The following HUWE1 variants were observed in gnomAD, a reference collection of about 807,000 sequenced individuals.
HUWE1 encodes the protein HECT, UBA and WWE domain containing E3 ubiquitin protein ligase 1, also known as E3 ubiquitin-protein ligase HUWE1.
HUWE1 carries 18 observed loss-of-function variants against 299.4 expected under a neutral mutation model. The ratio of observed to expected loss-of-function variants is 0.06; its 90% confidence interval spans 0.04 to 0.09. The LOEUF (loss-of-function observed/expected upper bound fraction) is 0.09. Ranked by LOEUF, HUWE1 falls within the 10% of genes least tolerant of loss-of-function variation. The pLI, the probability that HUWE1 is intolerant of heterozygous loss-of-function variation, is 1.00. For missense variants in HUWE1, 1,832 were observed against 3,462.3 expected (o/e 0.53, Z 11.82); for synonymous variants, 1,317 against 1,286.1 (o/e 1.02, Z -0.51).
At chrX:53,586,631 A>G (rs1216457516) in intron 38 of HUWE1, 60 bp from the exon 39 acceptor site, 5 of 1,086,252 alleles carry the variant, frequency 4.6e-6, no homozygotes, top group Admixed American at 2.3e-5. Context: ...TTGGGAAAAT[A>G]TATCTTAATT....
At chrX:53,582,416 A>G (rs2063666079) in intron 42 of HUWE1, among the ~76,000 whole-genome samples, 1 of 112,413 alleles carries the variant, frequency 8.9e-6, no homozygotes, top group African/African-American at 3.2e-5. Context: ...CAGGCTGTGT[A>G]AAGAACTGTC....
chrX:53,575,977 A>G (rs888017242), intron 44 of HUWE1, among the ~76,000 whole-genome samples, 189 bp from the exon 45 acceptor site: 1 of 112,605 alleles, frequency 8.9e-6, no homozygotes, highest in African/African-American at 3.2e-5. Flanking sequence ...GACCACAGGC[A>G]ATTAACTTAG....
chrX:53,560,127 T>C, intron 56 of HUWE1, 61 bp downstream of exon 56: 1 of 964,931 alleles, frequency 1.0e-6, no homozygotes, highest in Non-Finnish European at 1.5e-6. Flanking sequence ...AAGACAATGC[T>C]AAAGCACAGT....
intron 31 of HUWE1, 104 bp from the exon 32 acceptor site, chrX:53,593,705 C>A: frequency 1.7e-6 from 1 of 582,990 alleles, no homozygotes; most frequent in South Asian, 2.5e-5. Context: ...CCTACACGTC[C>A]CTCTTCTTAG....
rs377282169 is a variant in HUWE1 at position 53,581,061 on chromosome X, C to T, written c.5521-35G>A. Reference sequence around the variant, plus strand: ...AGAGAAAGAAACACTGTCGATTAAACACTACTTTCTAAAAATACAACTGCA... The same window carrying T: ...AGAGAAAGAAACACTGTCGATTAAATACTACTTTCTAAAAATACAACTGCA... On this transcript the variant is annotated intron_variant, in intron 42 of 83. Transcript: ENST00000262854. The T allele has an allele frequency of 3.7e-6, 4 of 1,094,447 alleles. No individual in the cohort carries two copies. The South Asian group carries it at 8.0e-5, about 22-fold the overall frequency. The allele number at this position is 1,094,447 out of a possible 1,213,427, so 90.2% of individuals were successfully genotyped here.
chrX:53,587,037 TAC>T (rs2063894872), intron 37 of HUWE1, 128 bp from the exon 38 acceptor site: 1 of 743,007 alleles, frequency 1.3e-6, no homozygotes, highest in Non-Finnish European at 2.0e-6. Flanking sequence ...GTTCAAATTT[TAC>T]CTCTTACCAT....
chrX:53,665,763 A>C (rs181651913), intron 3 of HUWE1, among the ~76,000 whole-genome samples: 13 of 112,691 alleles, frequency 1.2e-4, no homozygotes, highest in South Asian at 1.1e-3. Context: ...AGTGTAAGTT[A>C]AGCAAATTAA....
chrX:53,561,232 A>G (rs1404039976), intron 55 of HUWE1, among the ~76,000 whole-genome samples: 2 of 112,096 alleles, frequency 1.8e-5, no homozygotes, highest in Non-Finnish European at 3.8e-5. Context: ...CTTGATTCTA[A>G]GAACTCGATT....
intron 3 of HUWE1, among the ~76,000 whole-genome samples, chrX:53,668,833 T>C (rs1389891687): frequency 8.9e-6 from 1 of 112,397 alleles, no homozygotes; most frequent in East Asian, 2.8e-4. Flanking sequence ...TACCTGCATA[T>C]GAAGGAGAAC....
In HUWE1 at chrX:53,558,687, CTTT is replaced by C; in HGVS notation, c.8125_8127del (p.Lys2709del). ...CTCTGATCCCTGTTCTCCTTATCTT[CTTT>C]GCCTTTATCAGTTATCTTTGTTTCT... On this transcript the variant is annotated inframe_deletion, in exon 59 of 84. Transcript: ENST00000262854. 2.5e-6 allele frequency: 3 copies of C among 1,211,039 alleles called. No homozygotes were observed. Among genetic ancestry groups the C allele is most frequent in the Non-Finnish European group, 3.4e-6 (3 of 894,733 alleles).
chrX:53,589,594 T>C lies in HUWE1; in HGVS notation c.4414A>G (p.Asn1472Asp). The C allele has an allele frequency of 8.3e-7, 1 of 1,210,902 alleles. No individual in the cohort carries two copies. The highest frequency in any genetic ancestry group is 1.1e-6 in the Non-Finnish European group (1 of 894,863). Residue 1472 changes from asparagine (N) to aspartate (D), a missense_variant, in exon 36 of 84, where the codon AAT becomes GAT. Physicochemically the swap from Asn to Asp is conservative, Grantham distance 23. Transcript: ENST00000262854. ...ATCATGTCACGATAATCTGCTCCATTACGTTTGATTGCTGTCATGATCAGG... is the reference window on the plus strand; with the variant it reads ...ATCATGTCACGATAATCTGCTCCATCACGTTTGATTGCTGTCATGATCAGG... ...CDLIMTAIKR[N>D]GADYRDMILK... is the part of the protein sequence containing the mutation.
Position 53,617,390 on chromosome X carries a change from G to C in HUWE1, c.1729C>G (p.Gln577Glu). The change falls in exon 20 of 84, where the codon CAG (glutamine) becomes GAG (glutamate). Residue 577 changes from glutamine (Q) to glutamate (E), a missense_variant. This residue lies in a region of HUWE1 where 658 missense variants were observed against 1,282.6 expected (regional missense o/e 0.51). Transcript: ENST00000262854. ...FQEPSLLSSL[Q>E]DNGLTDVMLH... ...ATGACATCTGTCAATCCATTGTCCT[G>C]GAGTGAGGAGAGCAGTGATGGTTCT... The C allele has an allele frequency of 8.3e-7, 1 of 1,200,899 alleles. No individual in the cohort carries two copies. The highest frequency in any genetic ancestry group is 1.1e-6 in the Non-Finnish European group (1 of 887,279).
At chrX:53,560,843 T>G (rs979556577) in intron 55 of HUWE1, among the ~76,000 whole-genome samples, 1 of 111,847 alleles carries the variant, frequency 8.9e-6, no homozygotes, top group African/African-American at 3.3e-5. Flanking sequence ...TATAGTGCAA[T>G]GTAATGCCTG....
chrX:53,642,518 G>T (rs2067667674), intron 7 of HUWE1, among the ~76,000 whole-genome samples: 1 of 111,668 alleles, frequency 9.0e-6, no homozygotes, highest in Non-Finnish European at 1.9e-5. Flanking sequence ...TACCACAAAT[G>T]ATGATGCAAT....
At chrX:53,686,170 C>T (rs190163868) in intron 2 of HUWE1, 100 bp downstream of exon 2, 3 of 113,188 alleles carry the variant, frequency 2.7e-5, no homozygotes, top group African/African-American at 9.6e-5. Context: ...CCTCACCTTC[C>T]CTCTCCTCTG....
chrX:53,656,290 T>G (rs976057940), intron 3 of HUWE1, among the ~76,000 whole-genome samples: 1 of 108,263 alleles, frequency 9.2e-6, no homozygotes. Context: ...GCAGAAGAAT[T>G]GCTTGAAACT....
At chrX:53,638,933 C>T (rs781899108) in intron 7 of HUWE1, among the ~76,000 whole-genome samples, 3 of 111,774 alleles carry the variant, frequency 2.7e-5, no homozygotes, top group Non-Finnish European at 5.6e-5. Context: ...ACTGGGTTGA[C>T]CTAGTCATTA....
chrX:53,538,716 ACACACACACT>A, intron 76 of HUWE1, 109 bp downstream of exon 76: 4 of 687,468 alleles, frequency 5.8e-6, no homozygotes, highest in Non-Finnish European at 8.8e-6. Context: ...ACACACACAC[ACACACACACT>A]CTCTCTCTCT....
At chrX:53,641,469 A>C (rs1441631378) in intron 7 of HUWE1, among the ~76,000 whole-genome samples, 1 of 112,063 alleles carries the variant, frequency 8.9e-6, no homozygotes, top group East Asian at 2.8e-4. Context: ...AATATTTTGC[A>C]AAATATTCAT....
Sources: allele counts gnomAD v4.1 joint callset (sites outside exome capture counted in the v4.1 genomes callset), GRCh38; gene constraint gnomAD v4.1.1; regional missense constraint gnomAD v4.1.1; transcripts MANE v1.5; gene names NCBI Gene and HGNC (gene_info 2026-07-23, HGNC 2026-07-21).